The following NCKAP1 variants were observed in gnomAD, a reference collection of about 807,000 sequenced individuals.
The protein encoded by NCKAP1 is nck-associated protein 1.
Under a neutral mutation model 151.2 loss-of-function variants are expected in NCKAP1, and 21 were observed. The observed-to-expected ratio is 0.14, with a 90% CI of 0.10 to 0.20. The LOEUF is 0.20. Among genes scored for constraint, NCKAP1 ranks in the 10% least tolerant of loss-of-function variants. NCKAP1 has a pLI of 1.00. For missense variants in NCKAP1, 933 were observed against 1,352.1 expected (o/e 0.69, Z 4.86); for synonymous variants, 484 against 451.8 (o/e 1.07, Z -0.90).
At chr2:182,933,762 T>C (rs940269045) in intron 26 of NCKAP1, among the ~76,000 whole-genome samples, 19 of 152,120 alleles carry the variant, frequency 1.2e-4, no homozygotes, top group Non-Finnish European at 2.9e-5. Context: ...CAAAGGAGTT[T>C]AGACACTATT....
chr2:182,922,661 A>G lies in NCKAP1; in HGVS notation c.*3041T>C, dbSNP rs1287848334. 2 of 152,310 alleles carry G rather than the reference A, an allele frequency of 1.3e-5. No homozygotes were observed. The highest frequency in any genetic ancestry group is 1.5e-5 in the Non-Finnish European group (1 of 68,134). The allele number at this position is 152,310 out of a possible 1,614,324, so 9.4% of individuals were successfully genotyped here. A position where few individuals can be genotyped will look rare whatever the true frequency, so the allele number is the denominator to read the frequency against. On this transcript the variant is annotated 3_prime_UTR_variant, in exon 31 of 31. Transcript: ENST00000361354. The stretch of plus-strand genomic sequence containing the variant: ...ACACTTTCTTCTAACACTTTCTTCT[A>G]AAGTAGTTTCACCACTGCCTCCCCA...
At chr2:183,014,881 C>T (rs1286259930) in intron 2 of NCKAP1, among the ~76,000 whole-genome samples, 1 of 152,158 alleles carries the variant, frequency 6.6e-6, no homozygotes, top group Non-Finnish European at 1.5e-5. Flanking sequence ...GTGATAATGT[C>T]CTCTGCTACT....
intron 12 of NCKAP1, among the ~76,000 whole-genome samples, chr2:182,982,565 G>A (rs1034812376): frequency 6.6e-6 from 1 of 152,166 alleles, no homozygotes; most frequent in African/African-American, 2.4e-5. Flanking sequence ...TATGTGATCA[G>A]AAAGATAAAC....
At chr2:183,034,035 G>A (rs1326142259) in intron 1 of NCKAP1, among the ~76,000 whole-genome samples, 1 of 152,004 alleles carries the variant, frequency 6.6e-6, no homozygotes, top group Non-Finnish European at 1.5e-5. Flanking sequence ...AGCATCTCTG[G>A]AACACGCTTC....
At chr2:183,029,092 G>A in intron 1 of NCKAP1, among the ~76,000 whole-genome samples, 1 of 152,010 alleles carries the variant, frequency 6.6e-6, no homozygotes, top group Non-Finnish European at 1.5e-5. Context: ...ACTCCAGCCT[G>A]GGCAACAAGA....
rs1322264195 is a variant in NCKAP1, at chr2:182,925,482, T to G, written c.*220A>C. On this transcript the variant is annotated 3_prime_UTR_variant, in exon 31 of 31. Coordinates refer to ENST00000361354, the MANE Select transcript of NCKAP1 (RefSeq NM_013436.5). The stretch of plus-strand genomic sequence containing the variant: ...TCAAATAAATGATACTTTAAAATTA[T>G]AGGAATAATCTCAGTGAATTCAGTG... 3.3e-6 allele frequency: 1 copy of G among 300,440 alleles called. No homozygotes were observed. The highest frequency in any genetic ancestry group is 6.3e-6 in the Non-Finnish European group (1 of 158,230). 18.6% of individuals were successfully genotyped at this position (300,440 alleles called of 1,614,324 possible). A position where few individuals can be genotyped will look rare whatever the true frequency, so the allele number is the denominator to read the frequency against.
intron 28 of NCKAP1, among the ~76,000 whole-genome samples, 153 bp from the exon 29 acceptor site, chr2:182,928,379 A>C (rs1483746396): frequency 1.3e-5 from 2 of 152,124 alleles, no homozygotes; most frequent in Non-Finnish European, 2.9e-5. Flanking sequence ...GACTTTCATG[A>C]ACACTGATGT....
Position 182,910,953 on chromosome 2 carries a change from C to CCCCT in NCKAP1, c.*14748_*14749insAGGG, listed in dbSNP as rs1553507026. 2.0e-5 allele frequency: 3 copies of CCCCT among 146,898 alleles called. No individual in the cohort carries two copies. The highest frequency in any genetic ancestry group is 2.0e-4 in the Admixed American group (3 of 14,762). The allele number at this position is 146,898 out of a possible 1,614,324, so 9.1% of individuals were successfully genotyped here. A position where few individuals can be genotyped will look rare whatever the true frequency, so the allele number is the denominator to read the frequency against. ...AAATAAAAATAAAATCCTAAGCTCC[C>CCCCT]CCCCCACATTTGACTAAACAGACCC... On this transcript the variant is annotated 3_prime_UTR_variant, in exon 31 of 31. Transcript: ENST00000361354.
chr2:183,014,150 T>C (rs1339544099), intron 2 of NCKAP1, among the ~76,000 whole-genome samples: 1 of 152,248 alleles, frequency 6.6e-6, no homozygotes, highest in East Asian at 1.9e-4. Context: ...TTCTGTTTGT[T>C]CACTGCTGGA....
intron 2 of NCKAP1, among the ~76,000 whole-genome samples, chr2:183,012,699 G>A (rs780952314): frequency 6.9e-5 from 10 of 145,100 alleles, no homozygotes; most frequent in East Asian, 6.1e-4. Flanking sequence ...TGCAGCCTCC[G>A]CCTCCCAGGT....
intron 14 of NCKAP1, among the ~76,000 whole-genome samples, chr2:182,977,542 A>C (rs1419644248): frequency 6.6e-6 from 1 of 152,122 alleles, no homozygotes; most frequent in Non-Finnish European, 1.5e-5. Context: ...AAAAGAAAGG[A>C]AATTCTGACA....
chr2:182,930,320 C>G (rs1009392497), intron 27 of NCKAP1, among the ~76,000 whole-genome samples: 5 of 151,946 alleles, frequency 3.3e-5, no homozygotes, highest in Non-Finnish European at 7.4e-5. Context: ...TTCCTGGAAG[C>G]TACCCTTTCC....
chr2:183,016,838 A>T (rs984700399), intron 2 of NCKAP1, among the ~76,000 whole-genome samples: 1 of 152,188 alleles, frequency 6.6e-6, no homozygotes, highest in African/African-American at 2.4e-5. Flanking sequence ...ATTGGATGGC[A>T]TACAAATCAA....
At position 182,921,714 on chromosome 2, in the gene NCKAP1, T is replaced by A. The variant is rs1402254438; in HGVS notation, c.*3988A>T. On this transcript the variant is annotated 3_prime_UTR_variant, in exon 31 of 31. Transcript: ENST00000361354. ...AGGCCCAAAATGACAGGCTGAATAC[T>A]TTTATTGGAAATGAAACATTCCAGA... 6.6e-6 allele frequency: 1 copy of A among 152,220 alleles called. No individual in the cohort carries two copies. Among genetic ancestry groups the A allele is most frequent in the Non-Finnish European group, 1.5e-5 (1 of 68,040 alleles). 9.4% of individuals were successfully genotyped at this position (152,220 alleles called of 1,614,324 possible).
chr2:182,943,159 TTCCAAATACACATA>T (rs1381449344), intron 23 of NCKAP1, among the ~76,000 whole-genome samples: 1 of 152,154 alleles, frequency 6.6e-6, no homozygotes, highest in African/African-American at 2.4e-5. Context: ...GTGGTGCTCT[TTCCAAATACACATA>T]TCCATTGCTT....
At chr2:183,035,062 A>G (rs1051390362) in intron 1 of NCKAP1, among the ~76,000 whole-genome samples, 1 of 152,126 alleles carries the variant, frequency 6.6e-6, no homozygotes, top group African/African-American at 2.4e-5. Context: ...TACATGAGTG[A>G]GTCACATTAT....
At chr2:182,956,393 A>T (rs890134737) in intron 20 of NCKAP1, 69 bp downstream of exon 20, 1 of 1,529,130 alleles carries the variant, frequency 6.5e-7, no homozygotes, top group East Asian at 2.3e-5. Context: ...TCCTTATAAA[A>T]CACTGTATAA....
chr2:182,980,755 T>TC (rs1480497045), intron 13 of NCKAP1, among the ~76,000 whole-genome samples: 8 of 152,244 alleles, frequency 5.3e-5, no homozygotes, highest in Middle Eastern at 3.4e-3. Flanking sequence ...TAATTACCAA[T>TC]TATATTGTCT....
At chr2:183,037,562 T>C (rs939330131) in intron 1 of NCKAP1, among the ~76,000 whole-genome samples, 1 of 152,206 alleles carries the variant, frequency 6.6e-6, no homozygotes, top group African/African-American at 2.4e-5. Context: ...TGGGGTGTAA[T>C]CCCTGTTCAC....
Sources: gnomAD v4.1 joint callset for allele counts (sites outside exome capture counted in the v4.1 genomes callset) on GRCh38, gnomAD v4.1.1 for gene constraint, MANE v1.5 for transcripts, NCBI Gene and HGNC (gene_info 2026-07-23, HGNC 2026-07-21) for gene names.